Variants in DCAF6 observed in about 807,000 individuals in gnomAD.
DCAF6 encodes DDB1- and CUL4-associated factor 6.
In DCAF6, 54 loss-of-function variants were observed where a neutral mutation model predicts 125.1. The observed-to-expected ratio is 0.43, with a 90% confidence interval of 0.35 to 0.54. DCAF6 has a LOEUF of 0.54. Ranked by LOEUF, DCAF6 falls within the 20% of genes least tolerant of loss-of-function variation. The probability of loss-of-function intolerance (pLI) is 0.01; values close to 1 mark genes in which losing one functional copy is unlikely to be tolerated. For synonymous variants in DCAF6, 371 were observed against 390.4 expected (o/e 0.95, Z 0.58); for missense variants, 934 against 1,161.7 (o/e 0.80, Z 2.85).
At chr1:168,045,291 C>A in intron 16 of DCAF6, 64 bp downstream of exon 16, 1 of 1,410,708 alleles carries the variant, frequency 7.1e-7, no homozygotes, top group Non-Finnish European at 9.5e-7. Context: ...TGTTTGAAGT[C>A]ATTGAAGGGA....
chr1:167,889,102 T>G, the DCAF6 span, among the ~76,000 whole-genome samples: 1 of 152,186 alleles, frequency 6.6e-6, no homozygotes, highest in Admixed American at 6.5e-5. Flanking sequence ...TACATAGGAC[T>G]TCCAGTATTA....
At chr1:167,890,622 G>C in the DCAF6 span, among the ~76,000 whole-genome samples, 1 of 152,114 alleles carries the variant, frequency 6.6e-6, no homozygotes, top group Non-Finnish European at 1.5e-5. Flanking sequence ...AAGCCAGCCA[G>C]GTTTGTGTCT....
At chr1:167,914,429 C>A in the DCAF6 span, among the ~76,000 whole-genome samples, 11 of 152,308 alleles carry the variant, frequency 7.2e-5, no homozygotes, top group Non-Finnish European at 1.3e-4. Flanking sequence ...CCAGAGCAAG[C>A]AAACACCTAA....
intron 2 of DCAF6, among the ~76,000 whole-genome samples, chr1:167,965,668 C>T (rs1355298435): frequency 6.6e-6 from 1 of 152,058 alleles, no homozygotes; most frequent in Non-Finnish European, 1.5e-5. Flanking sequence ...TGCTCTGTCG[C>T]GTAGGCTGGG....
intron 16 of DCAF6, among the ~76,000 whole-genome samples, chr1:168,049,541 C>T (rs66950781): frequency 4.1e-5 from 6 of 146,180 alleles, no homozygotes; most frequent in Admixed American, 2.7e-4. Context: ...GGACTATAGG[C>T]GTGAGCCACC....
chr1:168,065,811 T>G, intron 19 of DCAF6, 65 bp downstream of exon 19: 1 of 1,421,042 alleles, frequency 7.0e-7, no homozygotes, highest in East Asian at 2.4e-5. Context: ...CATACAAAAT[T>G]ATTCTTTTTT....
At chr1:167,937,152 C>T (rs1451813170) in intron 1 of DCAF6, 144 bp downstream of exon 1, 6 of 674,318 alleles carry the variant, frequency 8.9e-6, no homozygotes, top group East Asian at 2.8e-5. Flanking sequence ...CCTTGGTTGC[C>T]GAATTCCGTG....
At chr1:168,031,462 A>C (rs1476579976) in intron 12 of DCAF6, among the ~76,000 whole-genome samples, 1 of 152,196 alleles carries the variant, frequency 6.6e-6, no homozygotes, top group Non-Finnish European at 1.5e-5. Context: ...TTAGTAGAAC[A>C]CTTTCACTAG....
At chr1:168,042,768 A>G (rs1285240391) in intron 13 of DCAF6, 3 of 307,976 alleles carry the variant, frequency 9.7e-6, no homozygotes, top group Non-Finnish European at 1.8e-5. Context: ...GTAGAAATAC[A>G]TACTAGATAA....
At chr1:168,069,766 T>C (rs921664134) in intron 21 of DCAF6, among the ~76,000 whole-genome samples, 1 of 152,200 alleles carries the variant, frequency 6.6e-6, no homozygotes, top group South Asian at 2.1e-4. Context: ...ACCTGGAATG[T>C]AAACAAAAAA....
At chr1:167,890,959 T>G in the DCAF6 span, among the ~76,000 whole-genome samples, 57 of 152,094 alleles carry the variant, frequency 3.7e-4, no homozygotes, top group Non-Finnish European at 7.6e-4. Flanking sequence ...ATTTATTTAT[T>G]TAGTTAGTTA....
chr1:167,941,511 C>T (rs1024820306), intron 1 of DCAF6, among the ~76,000 whole-genome samples: 10 of 151,958 alleles, frequency 6.6e-5, no homozygotes, highest in Admixed American at 5.9e-4. Flanking sequence ...ATATACACAA[C>T]GAAAATAAAG....
intron 2 of DCAF6, among the ~76,000 whole-genome samples, chr1:167,962,744 C>T (rs1393208299): frequency 6.6e-6 from 1 of 152,140 alleles, no homozygotes; most frequent in Non-Finnish European, 1.5e-5. Flanking sequence ...CACCTGAGGT[C>T]AGGAGTTCAA....
intron 7 of DCAF6, among the ~76,000 whole-genome samples, chr1:168,001,365 A>T (rs1034101690): frequency 5.3e-5 from 8 of 152,350 alleles, no homozygotes; most frequent in African/African-American, 1.9e-4. Context: ...CATGTCAAAT[A>T]AGCTCTGAAA....
intron 5 of DCAF6, among the ~76,000 whole-genome samples, chr1:167,989,620 C>T (rs1009562942): frequency 2.6e-5 from 4 of 152,184 alleles, no homozygotes; most frequent in Admixed American, 6.5e-5. Flanking sequence ...CGGTGGCTCA[C>T]GCCTGTAATC....
chr1:168,019,513 A>G (rs1044578321), intron 11 of DCAF6: 3 of 454,196 alleles, frequency 6.6e-6, no homozygotes, highest in Admixed American at 4.7e-5. Flanking sequence ...CATATGGCTG[A>G]TTTTAAGCCC....
intron 1 of DCAF6, among the ~76,000 whole-genome samples, chr1:167,944,477 GTC>G (rs1031414674): frequency 3.3e-5 from 5 of 151,866 alleles, no homozygotes; most frequent in African/African-American, 4.8e-5. Context: ...AACCAACATT[GTC>G]TGTCTTTTTA....
At chr1:168,065,460 T>G in intron 18 of DCAF6, 130 bp from the exon 19 acceptor site, 1 of 782,330 alleles carries the variant, frequency 1.3e-6, no homozygotes, top group Non-Finnish European at 2.0e-6. Flanking sequence ...AATTTTTAAT[T>G]TTACTATTTT....
the DCAF6 span, among the ~76,000 whole-genome samples, chr1:167,888,035 G>A: frequency 6.6e-6 from 1 of 152,114 alleles, no homozygotes; most frequent in Non-Finnish European, 1.5e-5. Context: ...TTATTGAAGG[G>A]ATTGTCTTTT....
Sources: gnomAD v4.1 joint callset for allele counts (sites outside exome capture counted in the v4.1 genomes callset) on GRCh38, gnomAD v4.1.1 for gene constraint, MANE v1.5 for transcripts, NCBI Gene and HGNC (gene_info 2026-07-23, HGNC 2026-07-21) for gene names.